The following ALOX5 variants were observed in gnomAD, a reference collection of about 807,000 sequenced individuals.
The protein encoded by ALOX5 is arachidonate 5-lipoxygenase, also known as polyunsaturated fatty acid 5-lipoxygenase.
In ALOX5, 64 loss-of-function variants were observed where a neutral mutation model predicts 87.9. The ratio of observed to expected loss-of-function variants is 0.73; its 90% confidence interval spans 0.60 to 0.90. The LOEUF (loss-of-function observed/expected upper bound fraction) is 0.90, where lower values mean the gene tolerates loss of function less well. Among genes scored for constraint, ALOX5 ranks in the 40% least tolerant of loss-of-function variants. ALOX5 has a pLI of 0.00. For synonymous variants in ALOX5, 388 were observed against 355.1 expected, an observed-to-expected ratio of 1.09 and a Z score of -1.04; for missense variants, 822 against 907.5, an observed-to-expected ratio of 0.91 and a Z score of 1.21.
chr10:45,442,813 T>C, intron 9 of ALOX5: 1 of 563,676 alleles, frequency 1.8e-6, no homozygotes. Flanking sequence ...GCCCCACGGT[T>C]CAGTCCCTTG....
chr10:45,436,773 T>C (rs549495511), intron 7 of ALOX5, among the ~76,000 whole-genome samples: 1 of 152,306 alleles, frequency 6.6e-6, no homozygotes, highest in African/African-American at 2.4e-5. Context: ...GATTTTTTTT[T>C]CTAATTCTGT....
At chr10:45,434,605 A>G (rs1842008978) in intron 7 of ALOX5, among the ~76,000 whole-genome samples, 1 of 152,250 alleles carries the variant, frequency 6.6e-6, no homozygotes, top group African/African-American at 2.4e-5. Flanking sequence ...TCTGTCGTAT[A>G]CAAATAGCTC....
At chr10:45,412,994 C>T (rs984603222) in intron 4 of ALOX5, among the ~76,000 whole-genome samples, 1 of 152,094 alleles carries the variant, frequency 6.6e-6, no homozygotes, top group Admixed American at 6.6e-5. Context: ...ATCTTTAAAT[C>T]TGCACATTGA....
intron 2 of ALOX5, among the ~76,000 whole-genome samples, chr10:45,394,000 G>A (rs1050486812): frequency 2.0e-5 from 3 of 152,158 alleles, no homozygotes; most frequent in African/African-American, 7.2e-5. Context: ...TGGATAGGAA[G>A]AATGAATATC....
intron 12 of ALOX5, 54 bp from the exon 13 acceptor site, chr10:45,444,062 G>T: frequency 6.7e-7 from 1 of 1,489,986 alleles, no homozygotes. Context: ...CCAGGGGGCA[G>T]CTGGGCAGCA....
chr10:45,427,603 A>G (rs1023315625), intron 6 of ALOX5, among the ~76,000 whole-genome samples: 1 of 152,152 alleles, frequency 6.6e-6, no homozygotes, highest in Non-Finnish European at 1.5e-5. Flanking sequence ...GCGCTCTGGG[A>G]TGTCTCCAGG....
Position 45,382,646 on chromosome 10 carries a change from C to T in ALOX5, c.314C>T (p.Thr105Ile). Residue 105 changes from threonine (T) to isoleucine (I), a missense_variant, in exon 2 of 14, where the codon ACC becomes ATC. Transcript: ENST00000374391. ...YIEFPCYRWI[T>I]GDVEVVLRDG... ...GAGTTCCCCTGCTACCGCTGGATCA[C>T]CGGCGATGTCGAGGTTGTCCTGAGG... 6.2e-7 allele frequency: 1 copy of T among 1,613,854 alleles called. No homozygotes were observed. The highest frequency in any genetic ancestry group is 1.3e-5 in the African/African-American group (1 of 75,060).
At chr10:45,385,986 T>G (rs947035438) in intron 2 of ALOX5, among the ~76,000 whole-genome samples, 4 of 152,082 alleles carry the variant, frequency 2.6e-5, no homozygotes, top group African/African-American at 9.7e-5. Flanking sequence ...GAGGATTGTT[T>G]GAGTCTAGGA....
At chr10:45,421,988 C>A (rs1841522716) in intron 4 of ALOX5, among the ~76,000 whole-genome samples, 1 of 152,214 alleles carries the variant, frequency 6.6e-6, no homozygotes, top group East Asian at 1.9e-4. Context: ...GGCCCCAGGA[C>A]CCTCTCCTGA....
chr10:45,419,508 C>CCCCCAG (rs1382649859), intron 4 of ALOX5, among the ~76,000 whole-genome samples: 2 of 152,214 alleles, frequency 1.3e-5, no homozygotes, highest in African/African-American at 4.8e-5. Flanking sequence ...CACCGGCCCT[C>CCCCCAG]CCCCAGCCCC....
At chr10:45,433,701 C>A (rs1472950250) in intron 7 of ALOX5, among the ~76,000 whole-genome samples, 4 of 152,134 alleles carry the variant, frequency 2.6e-5, no homozygotes, top group African/African-American at 9.7e-5. Flanking sequence ...TAGGTAGATT[C>A]AAAAATTTGT....
intron 1 of ALOX5, among the ~76,000 whole-genome samples, chr10:45,380,818 T>TG (rs1230553051): frequency 2.6e-5 from 4 of 152,178 alleles, no homozygotes; most frequent in Admixed American, 6.5e-5. Context: ...GGCAGGTGCC[T>TG]GTAGTCCCAG....
intron 4 of ALOX5, among the ~76,000 whole-genome samples, chr10:45,423,254 G>A (rs1841570194): frequency 6.6e-6 from 1 of 152,246 alleles, no homozygotes; most frequent in African/African-American, 2.4e-5. Context: ...GGCAGTGATT[G>A]AGCACTGACG....
At chr10:45,429,298 G>T (rs566038101) in intron 7 of ALOX5, among the ~76,000 whole-genome samples, 1 of 152,346 alleles carries the variant, frequency 6.6e-6, no homozygotes, top group African/African-American at 2.4e-5. Context: ...GGGAGCTGGT[G>T]TGCAGACAGC....
chr10:45,420,123 C>G (rs965011931), intron 4 of ALOX5, among the ~76,000 whole-genome samples: 2 of 152,172 alleles, frequency 1.3e-5, no homozygotes, highest in African/African-American at 4.8e-5. Flanking sequence ...TTTAACTTCC[C>G]AAATGCTACC....
Position 45,444,731 on chromosome 10 carries a change from C to A in ALOX5, c.1845+445C>A, listed in dbSNP as rs150145077. 21 of 165,734 alleles carry A rather than the reference C, an allele frequency of 1.3e-4. No homozygotes were observed. In the East Asian group the frequency reaches 2.8e-3, roughly 22 times the overall value. 10.3% of individuals were successfully genotyped at this position (165,734 alleles called of 1,614,324 possible). On this transcript the variant is annotated intron_variant, in intron 13 of 13. Coordinates refer to ENST00000374391, the MANE Select transcript of ALOX5 (RefSeq NM_000698.5). ...CTCAGTACTGCATAGAATGGCCGGA[C>A]CAGTCCAACCTGCTCCAGACTGCTG...
Position 45,374,235 on chromosome 10 carries a change from GC to G in ALOX5, c.-43del. On this transcript the variant is annotated 5_prime_UTR_variant, in exon 1 of 14. Transcript: ENST00000374391. Reference sequence around the variant, plus strand: ...GGCGCTAGATGCGGACACCTGGACCGCCGCGCCGAGGCTCCCGGCGCTCGCT... The same window carrying G: ...GGCGCTAGATGCGGACACCTGGACCGCGCGCCGAGGCTCCCGGCGCTCGCT... The G allele has an allele frequency of 6.9e-7, 1 of 1,443,572 alleles. No homozygotes were observed. The highest frequency in any genetic ancestry group is 9.1e-7 in the Non-Finnish European group (1 of 1,098,782). The allele number at this position is 1,443,572 out of a possible 1,614,324, so 89.4% of individuals were successfully genotyped here.
intron 7 of ALOX5, among the ~76,000 whole-genome samples, chr10:45,439,582 G>T (rs1025960449): frequency 1.3e-5 from 2 of 152,208 alleles, no homozygotes; most frequent in African/African-American, 4.8e-5. Context: ...AGGGGGCAAC[G>T]TGCAGGGCTG....
At chr10:45,391,347 G>A (rs1222486203) in intron 2 of ALOX5, among the ~76,000 whole-genome samples, 3 of 152,166 alleles carry the variant, frequency 2.0e-5, no homozygotes, top group Non-Finnish European at 4.4e-5. Flanking sequence ...CGCCAGCCTC[G>A]GCCTCCCGAG....
Sources: allele counts gnomAD v4.1 joint callset (sites outside exome capture counted in the v4.1 genomes callset), GRCh38; gene constraint gnomAD v4.1.1; transcripts MANE v1.5; gene names NCBI Gene and HGNC (gene_info 2026-07-23, HGNC 2026-07-21).